Variants in MMD observed in about 807,000 individuals in gnomAD.
MMD encodes the protein monocyte to macrophage differentiation associated, also known as monocyte to macrophage differentiation factor.
Under a neutral mutation model 33.6 loss-of-function variants are expected in MMD, and 22 were observed. The observed-to-expected ratio is 0.66, with a 90% CI of 0.47 to 0.94. The LOEUF is 0.94. MMD is among the 40% of genes least tolerant of loss of function. The pLI, the probability that MMD is intolerant of heterozygous loss-of-function variation, is 0.00. For missense variants in MMD, 242 were observed against 309.8 expected, an observed-to-expected ratio of 0.78 and a Z score of 1.64; for synonymous variants, 97 against 103.2, an observed-to-expected ratio of 0.94 and a Z score of 0.36.
At chr17:55,396,730 C>T (rs982296534) in intron 6 of MMD, among the ~76,000 whole-genome samples, 1 of 152,034 alleles carries the variant, frequency 6.6e-6, no homozygotes, top group African/African-American at 2.4e-5. Context: ...GATTCTCCTG[C>T]CTCAGCCTCC....
In MMD at chr17:55,393,097, G is replaced by A. The variant is rs967838227; in HGVS notation, c.*1237C>T. 1 of 151,938 alleles carries A rather than the reference G, an allele frequency of 6.6e-6. No homozygotes were observed. The highest frequency in any genetic ancestry group is 1.9e-4 in the East Asian group (1 of 5,190). The allele number at this position is 151,938 out of a possible 1,614,324, so 9.4% of individuals were successfully genotyped here. A position where few individuals can be genotyped will look rare whatever the true frequency, so the allele number is the denominator to read the frequency against. On this transcript the variant is annotated 3_prime_UTR_variant, in exon 7 of 7. Coordinates refer to ENST00000262065, the MANE Select transcript of MMD (RefSeq NM_012329.3). ...CCAACAAGAGAGATTAATCAACAAA[G>A]CAACTATTAACAACATGTTAATCTT...
chr17:55,412,673 G>A (rs1907808119), intron 2 of MMD, among the ~76,000 whole-genome samples: 1 of 152,164 alleles, frequency 6.6e-6, no homozygotes, highest in African/African-American at 2.4e-5. Context: ...ACTGGCATGA[G>A]TTTTTCAGAT....
At chr17:55,414,346 T>C (rs1907880446) in intron 1 of MMD, 114 bp from the exon 2 acceptor site, 9 of 959,054 alleles carry the variant, frequency 9.4e-6, no homozygotes, top group Non-Finnish European at 1.5e-5. Flanking sequence ...CTGGTGGAAA[T>C]ACCCAGTTGC....
At chr17:55,396,602 T>C (rs1907109620) in intron 6 of MMD, among the ~76,000 whole-genome samples, 3 of 152,032 alleles carry the variant, frequency 2.0e-5, no homozygotes, top group Non-Finnish European at 4.4e-5. Flanking sequence ...TTGTTGTTGT[T>C]GGTGGTGGTG....
intron 3 of MMD, among the ~76,000 whole-genome samples, chr17:55,408,045 T>C (rs1289769364): frequency 2.6e-5 from 4 of 152,218 alleles, no homozygotes; most frequent in African/African-American, 9.6e-5. Flanking sequence ...TCTCTCAGCA[T>C]ATATAAGACA....
chr17:55,411,814 T>G (rs983771860), intron 2 of MMD, among the ~76,000 whole-genome samples: 13 of 152,174 alleles, frequency 8.5e-5, no homozygotes, highest in African/African-American at 2.7e-4. Context: ...TGGTAGCTCA[T>G]GACTGTAATC....
chr17:55,408,292 AG>A (rs1192219792), intron 3 of MMD, among the ~76,000 whole-genome samples: 3 of 152,200 alleles, frequency 2.0e-5, no homozygotes, highest in Admixed American at 6.5e-5. Context: ...TCTTTTTAGA[AG>A]GTATTTACAG....
intron 4 of MMD, among the ~76,000 whole-genome samples, chr17:55,406,610 G>A (rs111895394): frequency 0.024 from 3,615 of 152,122 alleles, 156 homozygotes; most frequent in African/African-American, 0.082. Context: ...GCCAAGCATG[G>A]TGGCTCATGA....
intron 4 of MMD, among the ~76,000 whole-genome samples, chr17:55,407,323 TAAATAA>T (rs1251039087): frequency 4.3e-4 from 65 of 150,968 alleles, no homozygotes; most frequent in African/African-American, 1.4e-3. Flanking sequence ...AATAAATAAA[TAAATAA>T]ATAAATAAAT....
At chr17:55,403,562 A>G (rs1907428641) in intron 5 of MMD, among the ~76,000 whole-genome samples, 1 of 152,224 alleles carries the variant, frequency 6.6e-6, no homozygotes, top group Non-Finnish European at 1.5e-5. Context: ...ACATTATACC[A>G]AACCTGTACC....
In MMD at chr17:55,421,755, C is replaced by G. The variant is rs1908201716; in HGVS notation, c.-60G>C. ...CGTCTCGTCAGCACCGGCGGCCGGGCGCGCGGCCCTCATGGGCTTGGGCTG... is the reference window on the plus strand; with the variant it reads ...CGTCTCGTCAGCACCGGCGGCCGGGGGCGCGGCCCTCATGGGCTTGGGCTG... On this transcript the variant is annotated 5_prime_UTR_variant, in exon 1 of 7. Transcript: ENST00000262065. 2 of 1,551,998 alleles carry G rather than the reference C, an allele frequency of 1.3e-6. No homozygotes were observed. Among genetic ancestry groups the G allele is most frequent in the East Asian group, 4.8e-5 (2 of 41,284 alleles).
chr17:55,420,028 G>A (rs1908116483), intron 1 of MMD: 1 of 152,182 alleles, frequency 6.6e-6, no homozygotes, highest in Admixed American at 6.5e-5. Context: ...AAATGAAGTT[G>A]TTGTTGTTGT....
At chr17:55,398,420 C>T (rs1907205096) in intron 6 of MMD, among the ~76,000 whole-genome samples, 1 of 151,832 alleles carries the variant, frequency 6.6e-6, no homozygotes. Flanking sequence ...GTTTTAAACT[C>T]CCTGTGTGTG....
intron 1 of MMD, among the ~76,000 whole-genome samples, chr17:55,415,830 G>A (rs569242015): frequency 1.1e-4 from 16 of 152,258 alleles, no homozygotes; most frequent in African/African-American, 3.9e-4. Flanking sequence ...AAAACCAACT[G>A]TTAAAGAGAA....
chr17:55,416,291 G>A (rs1907965477), intron 1 of MMD, among the ~76,000 whole-genome samples: 1 of 152,200 alleles, frequency 6.6e-6, no homozygotes, highest in Non-Finnish European at 1.5e-5. Flanking sequence ...CCCAGCAACA[G>A]GGATAGACTT....
chr17:55,418,285 T>C (rs1224887869), intron 1 of MMD, among the ~76,000 whole-genome samples: 8 of 152,268 alleles, frequency 5.3e-5, no homozygotes, highest in Admixed American at 3.9e-4. Context: ...GTGAATTCCA[T>C]GAAGGCTGTC....
At chr17:55,401,297 G>A (rs1907318113) in intron 6 of MMD, among the ~76,000 whole-genome samples, 172 bp downstream of exon 6, 1 of 152,156 alleles carries the variant, frequency 6.6e-6, no homozygotes, top group Non-Finnish European at 1.5e-5. Flanking sequence ...GGGACCACAG[G>A]CACATGCCAC....
chr17:55,402,453 A>C (rs1237751188), intron 5 of MMD, among the ~76,000 whole-genome samples: 1 of 152,256 alleles, frequency 6.6e-6, no homozygotes, highest in African/African-American at 2.4e-5. Context: ...AGCCTAATCA[A>C]ACCAGACGAT....
chr17:55,412,040 GAAC>G (rs1907786508), intron 2 of MMD, among the ~76,000 whole-genome samples: 1 of 152,144 alleles, frequency 6.6e-6, no homozygotes, highest in Non-Finnish European at 1.5e-5. Flanking sequence ...TTGTACCACT[GAAC>G]TCCAACCTGG....
Sources: gnomAD v4.1 joint callset for allele counts (sites outside exome capture counted in the v4.1 genomes callset) on GRCh38, gnomAD v4.1.1 for gene constraint, MANE v1.5 for transcripts, NCBI Gene and HGNC (gene_info 2026-07-23, HGNC 2026-07-21) for gene names.